Variants in MEGF10 observed in about 807,000 individuals in gnomAD.
MEGF10 encodes the protein multiple epidermal growth factor-like domains protein 10.
A neutral mutation model predicts 147.5 loss-of-function variants in MEGF10; 86 were observed. The ratio of observed to expected loss-of-function variants is 0.58; its 90% CI spans 0.49 to 0.70. The LOEUF is 0.70. Among genes scored for constraint, MEGF10 ranks in the 30% least tolerant of loss-of-function variants. MEGF10 has a pLI of 0.00. For missense variants in MEGF10, 1,329 were observed against 1,487.3 expected, an observed-to-expected ratio of 0.89 and a Z score of 1.75; for synonymous variants, 478 against 525.5, an observed-to-expected ratio of 0.91 and a Z score of 1.24.
At chr5:127,427,512 A>G (rs534276072) in intron 13 of MEGF10, among the ~76,000 whole-genome samples, 2 of 152,030 alleles carry the variant, frequency 1.3e-5, no homozygotes, top group Non-Finnish European at 2.9e-5. Flanking sequence ...CCCAGCCAGG[A>G]AGGGTGTAAT....
In MEGF10 at chr5:127,420,183, G is replaced by C. The variant is rs1321901745; in HGVS notation, c.1566G>C (p.Gly522=). 1 of 1,614,006 alleles carries C rather than the reference G, an allele frequency of 6.2e-7. No individual in the cohort carries two copies. Among genetic ancestry groups the C allele is most frequent in the Non-Finnish European group, 8.5e-7 (1 of 1,180,002 alleles). The change falls in exon 12 of 25, where the codon GGG becomes GGC. Residue 522 remains glycine (G), a synonymous_variant. Coordinates refer to ENST00000503335, the MANE Select transcript of MEGF10 (RefSeq NM_001256545.2). ...GTCTCAPGWR[G]EKCELPCQDG... ...GCACGTGTGCACCTGGATGGCGCGG[G>C]GAGAAATGCGAACTTCCCTGCCAGG...
the MEGF10 span, among the ~76,000 whole-genome samples, chr5:127,236,474 C>T: frequency 0.015 from 2,238 of 152,236 alleles, 151 homozygotes; most frequent in Admixed American, 0.12. Flanking sequence ...TTTGCCAAGC[C>T]CTGGTCTAGA....
chr5:127,330,660 A>G (rs551529437), intron 1 of MEGF10, among the ~76,000 whole-genome samples: 1 of 152,182 alleles, frequency 6.6e-6, no homozygotes, highest in South Asian at 2.1e-4. Flanking sequence ...ATTTCTGTTC[A>G]GCAGATGGAG....
the MEGF10 span, among the ~76,000 whole-genome samples, chr5:127,251,156 G>GA: frequency 2.0e-5 from 3 of 152,052 alleles, no homozygotes; most frequent in African/African-American, 4.8e-5. Context: ...ACTCCTAGAA[G>GA]AAAAAATGAG....
intron 1 of MEGF10, among the ~76,000 whole-genome samples, chr5:127,304,073 A>G (rs766900836): frequency 1.3e-5 from 2 of 152,214 alleles, no homozygotes; most frequent in South Asian, 2.1e-4. Context: ...GAATCCTGGC[A>G]TATTGTATCT....
chr5:127,324,500 C>T lies in MEGF10; in HGVS notation c.-18-6791C>T, dbSNP rs372839494. 2.4e-4 allele frequency among the ~76,000 whole-genome samples: 37 copies of T among 152,188 alleles called. 1 individual carries two copies. The South Asian group carries it at 7.3e-3, about 30-fold the overall frequency. The stretch of plus-strand genomic sequence containing the variant: ...CTCTACCATAATTTCTATTATTTCT[C>T]CCAGTCCTGCTGATTCTTTCTCTCA... On this transcript the variant is annotated intron_variant, in intron 1 of 24. Coordinates refer to ENST00000503335, the MANE Select transcript of MEGF10 (RefSeq NM_001256545.2).
chr5:127,331,832 A>G (rs1169544922), intron 2 of MEGF10, among the ~76,000 whole-genome samples: 1 of 152,194 alleles, frequency 6.6e-6, no homozygotes, highest in Admixed American at 6.5e-5. Flanking sequence ...GGGATTTAAA[A>G]GAATTTTGCT....
At chr5:127,438,603 G>C in intron 17 of MEGF10, 36 bp downstream of exon 17, 1 of 1,609,334 alleles carries the variant, frequency 6.2e-7, no homozygotes, top group Non-Finnish European at 8.5e-7. Context: ...ACCAAGGGGA[G>C]CCTTGTCCAA....
At chr5:127,258,382 A>G in the MEGF10 span, among the ~76,000 whole-genome samples, 3 of 152,358 alleles carry the variant, frequency 2.0e-5, no homozygotes, top group South Asian at 2.1e-4. Flanking sequence ...CTACAAAATT[A>G]ATTATAGAAC....
intron 1 of MEGF10, among the ~76,000 whole-genome samples, chr5:127,316,269 C>G (rs1219926760): frequency 1.3e-5 from 2 of 152,146 alleles, no homozygotes; most frequent in African/African-American, 4.8e-5. Flanking sequence ...TTGCCCTCAG[C>G]TGATATGAAT....
Position 127,455,462 on chromosome 5 carries a change from ATATGCCACTAT to A in MEGF10, c.3090_3100del (p.Tyr1030Ter). 6.2e-7 allele frequency: 1 copy of A among 1,614,156 alleles called. No individual in the cohort carries two copies. The highest frequency in any genetic ancestry group is 8.5e-7 in the Non-Finnish European group (1 of 1,180,024). On this transcript the variant is annotated frameshift_variant, in exon 24 of 25. Coordinates refer to ENST00000503335, the MANE Select transcript of MEGF10 (RefSeq NM_001256545.2). LOFTEE classifies it high-confidence loss of function. ...GCTCCCTAAGCAGTTCTGAGAACCCATATGCCACTATTAAAGACCCACCTGTACTTATCCCG... is the reference window on the plus strand; with the variant it reads ...GCTCCCTAAGCAGTTCTGAGAACCCATAAAGACCCACCTGTACTTATCCCG...
At chr5:127,379,533 A>C (rs143887843) in intron 5 of MEGF10, among the ~76,000 whole-genome samples, 4 of 149,924 alleles carry the variant, frequency 2.7e-5, no homozygotes, top group African/African-American at 9.8e-5. Context: ...TTGCCTTTGC[A>C]CTTGATATTT....
intron 20 of MEGF10, 95 bp downstream of exon 20, chr5:127,445,788 T>C: frequency 4.6e-6 from 4 of 860,644 alleles, no homozygotes; most frequent in Non-Finnish European, 7.8e-6. Flanking sequence ...CTGTCCATTG[T>C]TTCTGTCAAT....
At chr5:127,244,976 T>A in the MEGF10 span, among the ~76,000 whole-genome samples, 7,984 of 152,058 alleles carry the variant, frequency 0.053, 372 homozygotes, top group African/African-American at 0.12. Context: ...AAATGGAAAA[T>A]CATTCCATGC....
At chr5:127,376,250 A>T (rs1763021648) in intron 5 of MEGF10, among the ~76,000 whole-genome samples, 1 of 152,202 alleles carries the variant, frequency 6.6e-6, no homozygotes. Flanking sequence ...GTCAAGAAAA[A>T]GTTTTTTGTT....
the MEGF10 span, among the ~76,000 whole-genome samples, chr5:127,254,301 G>T: frequency 1.5e-3 from 232 of 152,016 alleles, no homozygotes; most frequent in African/African-American, 5.4e-3. Context: ...AATCTTCTTT[G>T]GTTCTATTCA....
At chr5:127,433,254 G>A (rs1357191525) in intron 13 of MEGF10, 109 bp from the exon 14 acceptor site, 1 of 1,301,820 alleles carries the variant, frequency 7.7e-7, no homozygotes, top group African/African-American at 1.5e-5. Flanking sequence ...CATTGCTGCT[G>A]GTGATCCTCA....
the MEGF10 span, among the ~76,000 whole-genome samples, chr5:127,240,271 T>G: frequency 6.6e-6 from 1 of 152,212 alleles, no homozygotes; most frequent in South Asian, 2.1e-4. Flanking sequence ...CCCTGGTCTA[T>G]TTGCTTAGCA....
At chr5:127,275,591 C>A in the MEGF10 span, among the ~76,000 whole-genome samples, 2 of 152,126 alleles carry the variant, frequency 1.3e-5, no homozygotes, top group African/African-American at 4.8e-5. Context: ...ATTCGAAGAT[C>A]ATGTGAATTT....
Sources: allele counts gnomAD v4.1 joint callset (sites outside exome capture counted in the v4.1 genomes callset), GRCh38; gene constraint gnomAD v4.1.1; transcripts MANE v1.5; gene names NCBI Gene and HGNC (gene_info 2026-07-23, HGNC 2026-07-21).